Variants in TEKT5 observed in about 807,000 individuals in gnomAD.
The protein encoded by TEKT5 is tektin 5.
Under a neutral mutation model 48.7 loss-of-function variants are expected in TEKT5, and 52 were observed. The observed-to-expected ratio is 1.07, with a 90% CI of 0.86 to 1.35. TEKT5 has a LOEUF of 1.35. Among genes scored for constraint, TEKT5 ranks in the 40% most tolerant of loss-of-function variants. TEKT5 has a pLI of 0.00. For missense variants in TEKT5, 831 were observed against 641.6 expected (o/e 1.30, Z -3.19); for synonymous variants, 318 against 267.6 (o/e 1.19, Z -1.84).
rs1162347959 is a variant in TEKT5, at chr16:10,635,672, G to T, written c.1241+92C>A. ...TGATTGAAGGAGGGTCCATTTTTCA[G>T]ACCCAGTGCACCTAGAAGCTCCTGA... On this transcript the variant is annotated intron_variant, in intron 6 of 6. Coordinates refer to ENST00000283025, the MANE Select transcript of TEKT5 (RefSeq NM_144674.2). 4 of 1,525,072 alleles carry T rather than the reference G, an allele frequency of 2.6e-6. No individual in the cohort carries two copies. The Admixed American group carries it at 8.0e-5, about 31-fold the overall frequency. The allele number at this position is 1,525,072 out of a possible 1,614,324, so 94.5% of individuals were successfully genotyped here.
chr16:10,636,174 A>C (rs543294765), intron 5 of TEKT5, among the ~76,000 whole-genome samples: 26 of 152,268 alleles, frequency 1.7e-4, no homozygotes, highest in Non-Finnish European at 2.4e-4. Flanking sequence ...CAGGGGTTCT[A>C]GATCAGCCTG....
intron 5 of TEKT5, among the ~76,000 whole-genome samples, chr16:10,638,192 A>G (rs1897942374): frequency 6.6e-6 from 1 of 152,224 alleles, no homozygotes; most frequent in Non-Finnish European, 1.5e-5. Context: ...GAGAATGAAC[A>G]AAGAATGGGC....
chr16:10,692,101 A>G (rs1328832705), intron 1 of TEKT5, among the ~76,000 whole-genome samples: 1 of 152,114 alleles, frequency 6.6e-6, no homozygotes, highest in African/African-American at 2.4e-5. Flanking sequence ...GGGGCAGCCT[A>G]GGAGATAGAA....
Position 10,694,566 on chromosome 16 carries a change from C to G in TEKT5, c.308G>C (p.Arg103Pro). 1 of 1,602,494 alleles carries G rather than the reference C, an allele frequency of 6.2e-7. No individual in the cohort carries two copies. Among genetic ancestry groups the G allele is most frequent in the Non-Finnish European group, 8.5e-7 (1 of 1,174,256 alleles). The change falls in exon 1 of 7, where the codon CGT (arginine) becomes CCT (proline). Residue 103 changes from arginine to proline, a missense_variant. By Grantham distance (103) the Arg-to-Pro change is moderately radical (BLOSUM62 -2). Coordinates refer to ENST00000283025, the MANE Select transcript of TEKT5 (RefSeq NM_144674.2). ...CCACAGCCGGGAGGCCTCGGCCCCA[C>G]GCACCTGCAGCTGGTTGGACTGGTC... is the stretch of plus-strand genomic sequence containing the variant. ...DWDQSNQLQVRGAEASRLWAS... is the reference protein window; with the variant it reads ...DWDQSNQLQVPGAEASRLWAS...
At chr16:10,671,410 T>A (rs916127214) in intron 5 of TEKT5, among the ~76,000 whole-genome samples, 79 of 152,142 alleles carry the variant, frequency 5.2e-4, no homozygotes, top group African/African-American at 1.7e-3. Flanking sequence ...GATGAATGGA[T>A]AAAGAAAACG....
chr16:10,642,393 T>G (rs745726549), intron 5 of TEKT5, among the ~76,000 whole-genome samples: 7 of 151,920 alleles, frequency 4.6e-5, no homozygotes, highest in Non-Finnish European at 1.0e-4. Context: ...ACAGTCCCTC[T>G]CCCCCAGAGC....
chr16:10,652,348 C>T (rs1898171638), intron 5 of TEKT5, among the ~76,000 whole-genome samples: 1 of 151,826 alleles, frequency 6.6e-6, no homozygotes, highest in East Asian at 1.9e-4. Context: ...TCCTGCCCTC[C>T]CACTCTCTCC....
intron 5 of TEKT5, among the ~76,000 whole-genome samples, chr16:10,671,517 A>G (rs1390673759): frequency 1.3e-5 from 2 of 152,232 alleles, no homozygotes; most frequent in Non-Finnish European, 2.9e-5. Context: ...CATTATGCCA[A>G]GTGAAATTAA....
intron 5 of TEKT5, among the ~76,000 whole-genome samples, chr16:10,674,453 G>C (rs1040223633): frequency 6.6e-6 from 1 of 151,882 alleles, no homozygotes; most frequent in South Asian, 2.1e-4. Flanking sequence ...AAGCAACATA[G>C]CGAAACCCTG....
chr16:10,666,113 C>A (rs1898451889), intron 5 of TEKT5, among the ~76,000 whole-genome samples: 1 of 152,128 alleles, frequency 6.6e-6, no homozygotes, highest in African/African-American at 2.4e-5. Context: ...TGGTGTGCAC[C>A]CATATAGGGG....
At chr16:10,676,456 T>C (rs1898648622) in intron 4 of TEKT5, among the ~76,000 whole-genome samples, 1 of 152,080 alleles carries the variant, frequency 6.6e-6, no homozygotes, top group Non-Finnish European at 1.5e-5. Context: ...AGAACCACTG[T>C]CCTGATCCAA....
At chr16:10,629,692 C>G (rs1343420000) in intron 6 of TEKT5, among the ~76,000 whole-genome samples, 2 of 152,248 alleles carry the variant, frequency 1.3e-5, no homozygotes, top group Admixed American at 1.3e-4. Context: ...GTCCGCAGTT[C>G]TCCAGGCAAT....
chr16:10,679,260 CT>C (rs1232501183), intron 4 of TEKT5, among the ~76,000 whole-genome samples: 1 of 152,084 alleles, frequency 6.6e-6, no homozygotes, highest in East Asian at 1.9e-4. Flanking sequence ...AAAGGTGTCT[CT>C]CCCTGCCCAA....
intron 4 of TEKT5, among the ~76,000 whole-genome samples, chr16:10,681,505 C>G (rs1367243478): frequency 6.6e-6 from 1 of 152,116 alleles, no homozygotes; most frequent in African/African-American, 2.4e-5. Flanking sequence ...AGCCAACAAG[C>G]CTGGCGAAGC....
intron 6 of TEKT5, among the ~76,000 whole-genome samples, chr16:10,630,568 G>T (rs745434452): frequency 1.3e-5 from 2 of 152,216 alleles, no homozygotes; most frequent in Non-Finnish European, 2.9e-5. Flanking sequence ...AAGAGGGAAA[G>T]TATGTTGCAG....
At chr16:10,673,073 A>G (rs1296139060) in intron 5 of TEKT5, among the ~76,000 whole-genome samples, 1 of 152,192 alleles carries the variant, frequency 6.6e-6, no homozygotes, top group Non-Finnish European at 1.5e-5. Flanking sequence ...AGGATTCATC[A>G]TAACCATGCA....
At chr16:10,675,930 A>T in intron 5 of TEKT5, 29 bp downstream of exon 5, 2 of 1,608,662 alleles carry the variant, frequency 1.2e-6, no homozygotes, top group Non-Finnish European at 1.7e-6. Context: ...TTGGCAGAGA[A>T]GGCAGGGGTC....
At chr16:10,690,856 G>C (rs1045702412) in intron 1 of TEKT5, 4 of 869,508 alleles carry the variant, frequency 4.6e-6, no homozygotes, top group African/African-American at 1.8e-5. Context: ...GTCAAGGTCT[G>C]GATGTCAGGA....
intron 6 of TEKT5, among the ~76,000 whole-genome samples, chr16:10,628,783 G>A (rs566538619): frequency 6.6e-6 from 1 of 151,944 alleles, no homozygotes; most frequent in African/African-American, 2.4e-5. Flanking sequence ...GTGGGTGCCT[G>A]TAATCCCAGC....
Sources: allele counts gnomAD v4.1 joint callset (sites outside exome capture counted in the v4.1 genomes callset), GRCh38; gene constraint gnomAD v4.1.1; transcripts MANE v1.5; gene names NCBI Gene and HGNC (gene_info 2026-07-23, HGNC 2026-07-21).